The following FAM169A variants were observed in gnomAD, a reference collection of about 807,000 sequenced individuals.
The protein encoded by FAM169A is family with sequence similarity 169 member A.
FAM169A carries 24 observed loss-of-function variants against 75.7 expected under a neutral mutation model. That is an observed-to-expected ratio of 0.32 (90% CI 0.23 to 0.45). The LOEUF is 0.45. Among genes scored for constraint, FAM169A ranks in the 20% least tolerant of loss-of-function variants. FAM169A has a pLI of 1.00. For synonymous variants in FAM169A, 271 were observed against 271.0 expected (o/e 1.00, Z 0.00); for missense variants, 673 against 784.0 (o/e 0.86, Z 1.69).
At chr5:74,814,304 T>TTA (rs1223611863) in intron 5 of FAM169A, among the ~76,000 whole-genome samples, 15 of 152,058 alleles carry the variant, frequency 9.9e-5, no homozygotes, top group Non-Finnish European at 1.2e-4. Flanking sequence ...ACTATATGTA[T>TTA]TATATATATA....
intron 1 of FAM169A, among the ~76,000 whole-genome samples, chr5:74,847,242 T>G (rs1180532963): frequency 6.6e-6 from 1 of 152,102 alleles, no homozygotes; most frequent in Admixed American, 6.5e-5. Flanking sequence ...TTCCAGAACT[T>G]TTTCATCACC....
chr5:74,819,993 CTT>C (rs56815603), intron 5 of FAM169A, among the ~76,000 whole-genome samples: 11 of 119,068 alleles, frequency 9.2e-5, no homozygotes, highest in Non-Finnish European at 1.2e-4. Flanking sequence ...GAATTGTATC[CTT>C]TTTTTTTTTT....
intron 1 of FAM169A, among the ~76,000 whole-genome samples, chr5:74,845,794 T>C (rs1393335056): frequency 1.3e-5 from 2 of 152,196 alleles, no homozygotes; most frequent in Non-Finnish European, 2.9e-5. Context: ...CAGGAGCTTA[T>C]GCAAGTAAGA....
At chr5:74,843,854 C>G (rs536026855) in intron 1 of FAM169A, among the ~76,000 whole-genome samples, 2 of 152,162 alleles carry the variant, frequency 1.3e-5, no homozygotes, top group Non-Finnish European at 1.5e-5. Flanking sequence ...GGTAGACTTA[C>G]GTGGTCATGG....
intron 11 of FAM169A, among the ~76,000 whole-genome samples, chr5:74,784,243 G>A (rs779263694): frequency 5.3e-5 from 8 of 151,846 alleles, no homozygotes; most frequent in Non-Finnish European, 1.0e-4. Flanking sequence ...CCACAATAAG[G>A]GGGAAAAGGC....
At chr5:74,798,283 T>G (rs1746382540) in intron 10 of FAM169A, among the ~76,000 whole-genome samples, 1 of 152,214 alleles carries the variant, frequency 6.6e-6, no homozygotes, top group African/African-American at 2.4e-5. Context: ...TCTTCGTATG[T>G]TTCAGCAAAC....
chr5:74,798,966 T>C (rs1252240210), intron 10 of FAM169A: 30 of 1,104,774 alleles, frequency 2.7e-5, no homozygotes, highest in Non-Finnish European at 4.1e-5. Flanking sequence ...CGACCCCAGC[T>C]TTCTCTCCTT....
intron 5 of FAM169A, among the ~76,000 whole-genome samples, chr5:74,828,139 G>A (rs913639473): frequency 3.9e-5 from 6 of 152,148 alleles, no homozygotes; most frequent in African/African-American, 1.4e-4. Flanking sequence ...CAATGTAAGT[G>A]TCCTTAGTTA....
intron 8 of FAM169A, among the ~76,000 whole-genome samples, chr5:74,803,532 T>TA (rs1207635724): frequency 3.3e-5 from 5 of 152,136 alleles, no homozygotes; most frequent in Non-Finnish European, 7.4e-5. Flanking sequence ...TAAACTTAGA[T>TA]ACACACGTAC....
chr5:74,781,678 C>T lies in FAM169A; in HGVS notation c.1795G>A (p.Val599Met), dbSNP rs553702150. ...TGTCCTGCATTCTGTGAAAATGGCA[C>T]GTCTTCAAGTTCAACCTCTATCAAA... ...SSLIEVELED[V>M]PFSQNAGQKN... Residue 599 changes from valine to methionine, a missense_variant, in exon 13 of 13, where the codon GTG becomes ATG. Around this residue, in one of 3 missense-constraint regions of FAM169A, gnomAD observed 510 missense variants for 550.9 expected, o/e 0.93. Coordinates refer to ENST00000687041, the MANE Select transcript of FAM169A (RefSeq NM_001376049.1). The T allele has an allele frequency of 5.5e-5, 89 of 1,614,126 alleles. No individual in the cohort carries two copies. Among genetic ancestry groups the T allele is most frequent in the Non-Finnish European group, 6.9e-5 (82 of 1,180,008 alleles).
intron 6 of FAM169A, among the ~76,000 whole-genome samples, chr5:74,807,504 T>C (rs1319908130): frequency 1.3e-5 from 2 of 152,178 alleles, no homozygotes; most frequent in Non-Finnish European, 2.9e-5. Context: ...TTCTACTGAA[T>C]GAGTATCACT....
At chr5:74,839,726 G>A (rs866870789) in intron 3 of FAM169A, among the ~76,000 whole-genome samples, 3 of 151,978 alleles carry the variant, frequency 2.0e-5, no homozygotes, top group Middle Eastern at 3.4e-3. Context: ...GTTTCACCAT[G>A]TTGGTCAGGC....
chr5:74,792,575 G>T (rs1165107521), intron 11 of FAM169A, among the ~76,000 whole-genome samples: 1 of 152,120 alleles, frequency 6.6e-6, no homozygotes, highest in Non-Finnish European at 1.5e-5. Flanking sequence ...CCTACTGTGG[G>T]ACTCTGTGAT....
intron 1 of FAM169A, among the ~76,000 whole-genome samples, chr5:74,857,589 A>C (rs923016160): frequency 6.7e-6 from 1 of 149,820 alleles, no homozygotes; most frequent in Non-Finnish European, 1.5e-5. Flanking sequence ...AAAAAAAAAA[A>C]AAAAAAAAAA....
chr5:74,783,497 CCAGA>C (rs1745516698), intron 11 of FAM169A, among the ~76,000 whole-genome samples: 4 of 152,260 alleles, frequency 2.6e-5, no homozygotes, highest in Admixed American at 1.3e-4. Context: ...GAAAAAGGCA[CCAGA>C]CAGAGTATAG....
intron 4 of FAM169A, among the ~76,000 whole-genome samples, chr5:74,837,655 A>C (rs1365113499): frequency 6.6e-6 from 1 of 152,160 alleles, no homozygotes; most frequent in South Asian, 2.1e-4. Context: ...TAACAGGATC[A>C]AAATTTCTTG....
intron 10 of FAM169A, chr5:74,799,739 C>T: frequency 8.7e-7 from 1 of 1,154,824 alleles, no homozygotes; most frequent in Middle Eastern, 2.4e-4. Flanking sequence ...TCCAGCTGCT[C>T]CTGAGTGTGT....
At chr5:74,806,449 T>C (rs541525967) in intron 6 of FAM169A, among the ~76,000 whole-genome samples, 10 of 152,002 alleles carry the variant, frequency 6.6e-5, no homozygotes, top group South Asian at 2.1e-4. Flanking sequence ...AAAGAAAACA[T>C]AGGAGAATAC....
intron 5 of FAM169A, among the ~76,000 whole-genome samples, chr5:74,828,229 C>G (rs1748134185): frequency 6.6e-6 from 1 of 152,178 alleles, no homozygotes; most frequent in African/African-American, 2.4e-5. Flanking sequence ...CTCAAATCCT[C>G]TTTCATTTTT....
Sources: gnomAD v4.1 joint callset for allele counts (sites outside exome capture counted in the v4.1 genomes callset) on GRCh38, gnomAD v4.1.1 for gene constraint, gnomAD v4.1.1 regional missense constraint, MANE v1.5 for transcripts, NCBI Gene and HGNC (gene_info 2026-07-23, HGNC 2026-07-21) for gene names.